Variants in MAP2K5 observed in about 807,000 individuals in gnomAD.
MAP2K5 encodes mitogen-activated protein kinase kinase 5.
In MAP2K5, 49 loss-of-function variants were observed where a neutral mutation model predicts 83.1. That is an observed-to-expected ratio of 0.59 (90% CI 0.47 to 0.75). The LOEUF (loss-of-function observed/expected upper bound fraction) is 0.75. MAP2K5 is among the 30% of genes least tolerant of loss of function. The pLI, the probability that MAP2K5 is intolerant of heterozygous loss-of-function variation, is 0.00. For missense variants in MAP2K5, 457 were observed against 557.5 expected, an observed-to-expected ratio of 0.82 and a Z score of 1.82; for synonymous variants, 202 against 191.8, an observed-to-expected ratio of 1.05 and a Z score of -0.44.
chr15:67,772,806 AC>A, intron 21 of MAP2K5, 54 bp downstream of exon 21: 1 of 1,442,958 alleles, frequency 6.9e-7, no homozygotes, highest in Non-Finnish European at 9.6e-7. Flanking sequence ...TTTATGTTTA[AC>A]ATTCTGTTTA....
Position 67,775,083 on chromosome 15 carries a change from G to A in MAP2K5, c.1242+2331G>A, listed in dbSNP as rs1405528859. Among the ~76,000 whole-genome samples, 1 of 152,184 alleles carries A rather than the reference G, an allele frequency of 6.6e-6. No individual in the cohort carries two copies. Among genetic ancestry groups the A allele is most frequent in the African/African-American group, 2.4e-5 (1 of 41,438 alleles). ...CTAGATCACCCTTACTCCTGGGTCT[G>A]GGCCATGCAGAGTGGGCACTTAGGT... On this transcript the variant is annotated intron_variant, in intron 21 of 21. Transcript: ENST00000178640. The surrounding 1 kb of genome is among the most constrained non-coding windows in gnomAD (Gnocchi z 5.3).
chr15:67,615,524 A>G (rs2086036687), intron 8 of MAP2K5, among the ~76,000 whole-genome samples: 2 of 152,158 alleles, frequency 1.3e-5, no homozygotes, highest in Non-Finnish European at 2.9e-5. Flanking sequence ...ATTTCCCTGA[A>G]ACTATTTGAA....
chr15:67,611,671 A>G (rs1480071545), intron 8 of MAP2K5, among the ~76,000 whole-genome samples: 1 of 152,218 alleles, frequency 6.6e-6, no homozygotes, highest in Non-Finnish European at 1.5e-5. Flanking sequence ...AGATAAATGA[A>G]TGGATTTCCC....
intron 8 of MAP2K5, among the ~76,000 whole-genome samples, chr15:67,623,817 G>A (rs755714085): frequency 1.3e-4 from 19 of 151,698 alleles, no homozygotes; most frequent in Non-Finnish European, 2.7e-4. Flanking sequence ...GGCTGGTCTC[G>A]AACTCCCAAC....
At chr15:67,713,493 T>C (rs2088747816) in intron 16 of MAP2K5, among the ~76,000 whole-genome samples, 1 of 152,226 alleles carries the variant, frequency 6.6e-6, no homozygotes. Flanking sequence ...CCCAGCACTT[T>C]GGAAGGCCGA....
At chr15:67,691,420 A>G (rs1279155250) in intron 13 of MAP2K5, among the ~76,000 whole-genome samples, 3 of 152,216 alleles carry the variant, frequency 2.0e-5, no homozygotes, top group Non-Finnish European at 4.4e-5. Context: ...TGAATTAAGT[A>G]TCTACTCTTG....
chr15:67,772,845 C>A, intron 21 of MAP2K5, 93 bp downstream of exon 21: 1 of 1,003,452 alleles, frequency 1.0e-6, no homozygotes, highest in Non-Finnish European at 1.5e-6. Flanking sequence ...TTGAAACAGC[C>A]ATAGGCTCTG....
intron 7 of MAP2K5, among the ~76,000 whole-genome samples, chr15:67,597,214 T>C (rs1024225734): frequency 6.6e-6 from 1 of 152,122 alleles, no homozygotes; most frequent in Non-Finnish European, 1.5e-5. Flanking sequence ...GGTATTGTTG[T>C]TGAATAAAAA....
At chr15:67,569,008 AAAAAAAAAAAAC>A (rs1045003590) in intron 3 of MAP2K5, among the ~76,000 whole-genome samples, 1 of 148,416 alleles carries the variant, frequency 6.7e-6, no homozygotes, top group African/African-American at 2.5e-5. Context: ...TCCATCTCAA[AAAAAAAAAAAAC>A]AAAAAAAAAA....
Position 67,748,687 on chromosome 15 carries a change from A to G in MAP2K5, c.1134+86A>G, listed in dbSNP as rs1343613442. 3 of 1,276,588 alleles carry G rather than the reference A, an allele frequency of 2.4e-6. No individual in the cohort carries two copies. The highest frequency in any genetic ancestry group is 2.9e-5 in the African/African-American group (2 of 67,816). The allele number at this position is 1,276,588 out of a possible 1,614,324, so 79.1% of individuals were successfully genotyped here. A position where few individuals can be genotyped will look rare whatever the true frequency, so the allele number is the denominator to read the frequency against. ...ATATTTTGTTTCCTAATGAAGCACA[A>G]TGCCCAACATCCTTGGAGCAAGTTG... On this transcript the variant is annotated intron_variant, in intron 19 of 21. Transcript: ENST00000178640. The surrounding 1 kb of genome is among the most constrained non-coding windows in gnomAD (Gnocchi z 4.0).
intron 8 of MAP2K5, among the ~76,000 whole-genome samples, chr15:67,622,900 C>T (rs1179601855): frequency 6.6e-6 from 1 of 152,128 alleles, no homozygotes; most frequent in Non-Finnish European, 1.5e-5. Context: ...AGATTGAGAC[C>T]ATCCTGGCTA....
At chr15:67,553,294 G>A (rs767561742) in intron 2 of MAP2K5, among the ~76,000 whole-genome samples, 21 of 152,184 alleles carry the variant, frequency 1.4e-4, no homozygotes, top group Non-Finnish European at 2.8e-4. Flanking sequence ...TTATCCCCAA[G>A]TGTGTCAAAA....
Position 67,636,222 on chromosome 15 carries a change from C to T in MAP2K5, c.585+5295C>T, listed in dbSNP as rs1383566985. Among the ~76,000 whole-genome samples the T allele has an allele frequency of 1.3e-5, 2 of 152,124 alleles. No individual in the cohort carries two copies. The highest frequency in any genetic ancestry group is 4.8e-5 in the African/African-American group (2 of 41,422). ...GGTCAGGAGATCGAGACCATCCTAA[C>T]ACGGTGAAACCCCATTTCTACTAAA... On this transcript the variant is annotated intron_variant, in intron 9 of 21. Coordinates refer to ENST00000178640, the MANE Select transcript of MAP2K5 (RefSeq NM_145160.3). This position sits in a 1 kb window ranked among gnomAD's most constrained non-coding sequence, Gnocchi z 4.7.
At position 67,637,797 on chromosome 15, in the gene MAP2K5, G is replaced by A. The variant is rs986680995; in HGVS notation, c.585+6870G>A. On this transcript the variant is annotated intron_variant, in intron 9 of 21. Transcript: ENST00000178640. This position sits in a 1 kb window ranked among gnomAD's most constrained non-coding sequence, Gnocchi z 4.5. ...GTTTCCCCTCCCTGCACTGAGGCCT[G>A]GGAACTCTCTGGTCAGCAAGCTGGG... 4.6e-5 allele frequency among the ~76,000 whole-genome samples: 7 copies of A among 151,974 alleles called. No homozygotes were observed. Among genetic ancestry groups the A allele is most frequent in the African/African-American group, 1.7e-4 (7 of 41,352 alleles).
chr15:67,713,756 T>C (rs2088757787), intron 16 of MAP2K5, among the ~76,000 whole-genome samples: 1 of 151,728 alleles, frequency 6.6e-6, no homozygotes. Context: ...AAAAGTGGCA[T>C]GGATCACCCA....
chr15:67,635,248 C>T (rs552111296), intron 9 of MAP2K5, among the ~76,000 whole-genome samples: 7 of 146,998 alleles, frequency 4.8e-5, no homozygotes, highest in South Asian at 4.2e-4. Context: ...TGCAGTGGTG[C>T]GATCTCGGCT....
chr15:67,626,265 G>T (rs1275300262), intron 8 of MAP2K5, among the ~76,000 whole-genome samples: 1 of 152,158 alleles, frequency 6.6e-6, no homozygotes, highest in African/African-American at 2.4e-5. Context: ...CACACCTGTA[G>T]TAGTCTCAGC....
chr15:67,601,510 C>G (rs2085658401), intron 8 of MAP2K5, among the ~76,000 whole-genome samples: 1 of 152,154 alleles, frequency 6.6e-6, no homozygotes, highest in African/African-American at 2.4e-5. Context: ...ATAAAACTTT[C>G]CTCCAGAGAG....
In MAP2K5 at chr15:67,692,563, T is replaced by C. The variant is rs771449508; in HGVS notation, c.921+11T>C. On this transcript the variant is annotated intron_variant, in intron 14 of 21. Coordinates refer to ENST00000178640, the MANE Select transcript of MAP2K5 (RefSeq NM_145160.3). The stretch of plus-strand genomic sequence containing the variant: ...GGAGTTAGCACTCAGGTATGTCTCT[T>C]TTCCTCCCAGTGTACTGTTTTCTCT... 37 of 1,605,630 alleles carry C rather than the reference T, an allele frequency of 2.3e-5. No homozygotes were observed. The highest frequency in any genetic ancestry group is 1.8e-4 in the Admixed American group (11 of 59,894).
Sources: allele counts gnomAD v4.1 joint callset (sites outside exome capture counted in the v4.1 genomes callset), GRCh38; gene constraint gnomAD v4.1.1; non-coding constraint Gnocchi (gnomAD v3.1); transcripts MANE v1.5; gene names NCBI Gene and HGNC (gene_info 2026-07-23, HGNC 2026-07-21).